The following ANKS1B variants were observed in gnomAD, a reference collection of about 807,000 sequenced individuals.
The protein encoded by ANKS1B is ankyrin repeat and sterile alpha motif domain containing 1B, also known as ankyrin repeat and sterile alpha motif domain-containing protein 1B.
ANKS1B carries 36 observed loss-of-function variants against 148.3 expected under a neutral mutation model. The ratio of observed to expected loss-of-function variants is 0.24; its 90% CI spans 0.19 to 0.32. The LOEUF (loss-of-function observed/expected upper bound fraction) is 0.32, where lower values mean the gene tolerates loss of function less well. ANKS1B is among the 10% of genes least tolerant of loss of function. ANKS1B has a pLI of 1.00. For missense variants in ANKS1B, 1,157 were observed against 1,542.6 expected (o/e 0.75, Z 4.19); for synonymous variants, 542 against 560.8 (o/e 0.97, Z 0.47).
chr12:98,858,059 C>T (rs541863964), intron 17 of ANKS1B, among the ~76,000 whole-genome samples: 11 of 152,234 alleles, frequency 7.2e-5, no homozygotes, highest in South Asian at 2.1e-4. Flanking sequence ...TAATGTTTGT[C>T]GCACAGACAG....
chr12:98,777,233 C>A (rs187960333), intron 24 of ANKS1B, among the ~76,000 whole-genome samples: 49 of 152,282 alleles, frequency 3.2e-4, no homozygotes, highest in African/African-American at 1.2e-3. Context: ...AAACAACAGG[C>A]ACTTGTTTAG....
intron 8 of ANKS1B, among the ~76,000 whole-genome samples, chr12:99,712,006 A>AT (rs2056703706): frequency 6.6e-6 from 1 of 152,188 alleles, no homozygotes; most frequent in African/African-American, 2.4e-5. Flanking sequence ...ATGGAATACT[A>AT]TCCAGTCATA....
chr12:99,118,709 A>G (rs1266171595), intron 15 of ANKS1B, among the ~76,000 whole-genome samples: 1 of 152,230 alleles, frequency 6.6e-6, no homozygotes, highest in Non-Finnish European at 1.5e-5. Context: ...AAGTAACTGC[A>G]CATATACACA....
rs145345785 is a variant in ANKS1B at position 99,453,876 on chromosome 12, CAGCA to C, written c.1439-10071_1439-10068del. Among the ~76,000 whole-genome samples the C allele has an allele frequency of 9.1e-3, 1,389 of 152,154 alleles. 31 individuals are homozygous for C. The highest frequency in any genetic ancestry group is 0.032 in the African/African-American group (1,342 of 41,520). Reference sequence around the variant, plus strand: ...AATTGTGTTACTTATGCTACAAATTCAGCAATATGGGAACACAGAAGAATGAGCC... The same window carrying C: ...AATTGTGTTACTTATGCTACAAATTCATATGGGAACACAGAAGAATGAGCC... On this transcript the variant is annotated intron_variant, in intron 10 of 26. Transcript: ENST00000683438.
chr12:99,973,994 C>A (rs1163295424), intron 1 of ANKS1B, among the ~76,000 whole-genome samples: 6 of 152,192 alleles, frequency 3.9e-5, no homozygotes, highest in African/African-American at 1.4e-4. Flanking sequence ...AAAATGCTAT[C>A]AAACAGCATC....
At chr12:99,868,434 G>T (rs1440978470) in intron 1 of ANKS1B, among the ~76,000 whole-genome samples, 1 of 152,096 alleles carries the variant, frequency 6.6e-6, no homozygotes, top group Non-Finnish European at 1.5e-5. Flanking sequence ...ACACAAGCAT[G>T]CCACTAACAC....
intron 1 of ANKS1B, among the ~76,000 whole-genome samples, chr12:99,937,136 C>T (rs148967387): frequency 2.2e-3 from 329 of 152,268 alleles, no homozygotes; most frequent in African/African-American, 7.5e-3. Context: ...TCTCTGAGTG[C>T]CCCAGGGGCA....
chr12:99,213,610 C>T (rs2083683084), intron 14 of ANKS1B, among the ~76,000 whole-genome samples: 1 of 152,184 alleles, frequency 6.6e-6, no homozygotes, highest in Non-Finnish European at 1.5e-5. Context: ...GAAAGGAGCT[C>T]TTTATACTCA....
At chr12:99,696,829 A>G (rs2054003108) in intron 8 of ANKS1B, among the ~76,000 whole-genome samples, 1 of 152,214 alleles carries the variant, frequency 6.6e-6, no homozygotes, top group South Asian at 2.1e-4. Flanking sequence ...CAAAACACAT[A>G]TCTGATAAAG....
In ANKS1B at chr12:99,629,028, C is replaced by CT. The variant is rs151182938; in HGVS notation, c.1272+26038dup. ...ACTTCAACAAAAATCCATCCTACCA[C>CT]TTGCTTTTATGAGATCTTATTGAAA... On this transcript the variant is annotated intron_variant, in intron 9 of 26. Transcript: ENST00000683438. Among the ~76,000 whole-genome samples the CT allele has an allele frequency of 8.0e-3, 1,225 of 152,294 alleles. 13 individuals are homozygous for CT. The highest frequency in any genetic ancestry group is 0.027 in the Middle Eastern group (8 of 294).
At chr12:99,767,401 T>C (rs1420672677) in intron 8 of ANKS1B, among the ~76,000 whole-genome samples, 2 of 151,688 alleles carry the variant, frequency 1.3e-5, no homozygotes, top group Middle Eastern at 3.4e-3. Flanking sequence ...CTATTACAAA[T>C]GTTTAAAAAA....
chr12:99,346,218 G>A (rs540525345), intron 12 of ANKS1B, among the ~76,000 whole-genome samples: 1 of 151,842 alleles, frequency 6.6e-6, no homozygotes, highest in African/African-American at 2.4e-5. Flanking sequence ...TGAAGTCCTT[G>A]GTTTTAGCTT....
intron 11 of ANKS1B, among the ~76,000 whole-genome samples, chr12:99,420,045 C>A (rs2095036186): frequency 6.6e-6 from 1 of 151,982 alleles, no homozygotes; most frequent in Admixed American, 6.6e-5. Context: ...TTCAGGTATC[C>A]TACCTTTTTT....
At chr12:99,334,362 C>G (rs2152295775) in intron 12 of ANKS1B, among the ~76,000 whole-genome samples, 1 of 152,096 alleles carries the variant, frequency 6.6e-6, no homozygotes, top group Admixed American at 6.6e-5. Context: ...CTTACAAAAT[C>G]TCCCTGTTCT....
chr12:99,714,861 G>A (rs1295293823), intron 8 of ANKS1B, among the ~76,000 whole-genome samples: 2 of 151,900 alleles, frequency 1.3e-5, no homozygotes, highest in Non-Finnish European at 2.9e-5. Context: ...GGTTCTACCT[G>A]TAATCCCAGC....
At chr12:99,612,400 T>C (rs541236652) in intron 9 of ANKS1B, among the ~76,000 whole-genome samples, 2 of 152,270 alleles carry the variant, frequency 1.3e-5, no homozygotes, top group South Asian at 4.2e-4. Context: ...CATTTCATTA[T>C]CATAACATCT....
chr12:98,917,556 T>C (rs992374178), intron 17 of ANKS1B, among the ~76,000 whole-genome samples: 2 of 152,238 alleles, frequency 1.3e-5, no homozygotes, highest in African/African-American at 2.4e-5. Flanking sequence ...GTCCAATTAA[T>C]ACGAAGCGTA....
chr12:99,142,615 A>G (rs2071332042), intron 15 of ANKS1B, among the ~76,000 whole-genome samples: 1 of 152,158 alleles, frequency 6.6e-6, no homozygotes, highest in Non-Finnish European at 1.5e-5. Flanking sequence ...AAGATAATTG[A>G]GATAATACAT....
chr12:99,382,992 C>CA (rs2093706465), intron 12 of ANKS1B, among the ~76,000 whole-genome samples: 1 of 151,962 alleles, frequency 6.6e-6, no homozygotes, highest in African/African-American at 2.4e-5. Context: ...CTTTCACAGT[C>CA]AATCAAAAGC....
Sources: allele counts gnomAD v4.1 joint callset (sites outside exome capture counted in the v4.1 genomes callset), GRCh38; gene constraint gnomAD v4.1.1; transcripts MANE v1.5; gene names NCBI Gene and HGNC (gene_info 2026-07-23, HGNC 2026-07-21).